Variants in CAST observed in about 807,000 individuals in gnomAD.
The protein encoded by CAST is calpastatin.
CAST carries 76 observed loss-of-function variants against 119.6 expected under a neutral mutation model. That is an observed-to-expected ratio of 0.64 (90% CI 0.53 to 0.77). The LOEUF (loss-of-function observed/expected upper bound fraction) is 0.77. CAST is among the 30% of genes least tolerant of loss of function. CAST has a pLI of 0.00. For synonymous variants in CAST, 319 were observed against 331.6 expected (o/e 0.96, Z 0.41); for missense variants, 953 against 946.5 (o/e 1.01, Z -0.09).
chr5:96,475,564 G>A, the CAST span, among the ~76,000 whole-genome samples: 6 of 152,306 alleles, frequency 3.9e-5, no homozygotes, highest in South Asian at 2.1e-4. Context: ...CAGATGGGCC[G>A]AGTACCCTGG....
the CAST span, among the ~76,000 whole-genome samples, chr5:96,105,218 A>G: frequency 6.6e-6 from 1 of 151,756 alleles, no homozygotes; most frequent in African/African-American, 2.4e-5. Flanking sequence ...CTAATTGAAT[A>G]CCCTTTATTT....
the CAST span, among the ~76,000 whole-genome samples, chr5:96,283,145 A>G: frequency 6.8e-6 from 1 of 147,796 alleles, no homozygotes. Context: ...AAAAAAAAAA[A>G]GAAAAAAATT....
the CAST span, among the ~76,000 whole-genome samples, chr5:96,117,994 G>A: frequency 9.2e-5 from 14 of 152,264 alleles, no homozygotes; most frequent in African/African-American, 3.1e-4. Flanking sequence ...ATTATTGGTG[G>A]CAATGGATGA....
intron 1 of CAST, among the ~76,000 whole-genome samples, chr5:96,606,819 A>C (rs901505972): frequency 1.3e-5 from 2 of 152,204 alleles, no homozygotes; most frequent in Admixed American, 6.5e-5. Flanking sequence ...AGTGGTTCTT[A>C]GGGTGTAGTC....
chr5:96,712,025 T>C (rs1193841837), intron 3 of CAST, among the ~76,000 whole-genome samples: 1 of 152,210 alleles, frequency 6.6e-6, no homozygotes, highest in East Asian at 1.9e-4. Flanking sequence ...CTATAGGAAA[T>C]AGGACACCCT....
the CAST span, chr5:96,215,135 A>T: frequency 6.6e-6 from 1 of 152,208 alleles, no homozygotes; most frequent in East Asian, 1.9e-4. Context: ...GAATATTCCC[A>T]GAAGTGACTG....
At chr5:96,278,828 G>T in the CAST span, 4 of 152,110 alleles carry the variant, frequency 2.6e-5, no homozygotes, top group African/African-American at 9.7e-5. Flanking sequence ...CCACACACAT[G>T]CAGTTACATG....
At chr5:96,226,203 C>A in the CAST span, among the ~76,000 whole-genome samples, 8 of 152,296 alleles carry the variant, frequency 5.3e-5, no homozygotes, top group South Asian at 1.2e-3. Flanking sequence ...GGTTTCTTAG[C>A]CCCATATAGA....
chr5:96,709,545 G>C (rs1191882914), intron 3 of CAST, among the ~76,000 whole-genome samples: 2 of 152,090 alleles, frequency 1.3e-5, no homozygotes, highest in African/African-American at 2.4e-5. Flanking sequence ...TCTTTTATTA[G>C]AACACAGACT....
At chr5:96,200,080 C>T in the CAST span, among the ~76,000 whole-genome samples, 7 of 152,226 alleles carry the variant, frequency 4.6e-5, no homozygotes, top group Admixed American at 3.3e-4. Flanking sequence ...CTGGGGGCAT[C>T]GGCGCTGAAC....
chr5:96,552,486 C>T (rs967325031), intron 1 of CAST, among the ~76,000 whole-genome samples: 1 of 152,038 alleles, frequency 6.6e-6, no homozygotes, highest in African/African-American at 2.4e-5. Context: ...AAAATTGATA[C>T]CCTAACATCA....
Position 96,588,196 on chromosome 5 carries a change from C to CTTTTTTTTTTTTTTTTTTTT in CAST, c.60+58321_60+58340dup, listed in dbSNP as rs140665192. On this transcript the variant is annotated intron_variant, in intron 1 of 11. Transcript: ENST00000505143. ...TATTATTTTCTTTCTTTCTTTCTTT[C>CTTTTTTTTTTTTTTTTTTTT]TTTTTTTTTTTTTTTTTTTTTTTTG... 2.3e-3 allele frequency among the ~76,000 whole-genome samples: 174 copies of CTTTTTTTTTTTTTTTTTTTT among 75,850 alleles called. 2 individuals carry two copies. The highest frequency in any genetic ancestry group is 4.6e-3 in the East Asian group (10 of 2,162). The allele number at this position is 75,850 out of a possible 152,430, so 49.8% of individuals were successfully genotyped here.
chr5:96,458,521 T>C, the CAST span, among the ~76,000 whole-genome samples: 38 of 152,290 alleles, frequency 2.5e-4, no homozygotes, highest in African/African-American at 8.7e-4. Context: ...TTGCCATCTG[T>C]CATCACCCAC....
chr5:96,443,005 G>A, the CAST span, among the ~76,000 whole-genome samples: 11,363 of 151,694 alleles, frequency 0.075, 509 homozygotes, highest in African/African-American at 0.13. Flanking sequence ...GACTACTGGA[G>A]GTTATTTTCC....
the CAST span, among the ~76,000 whole-genome samples, chr5:96,348,062 A>G: frequency 1.3e-5 from 2 of 152,206 alleles, no homozygotes; most frequent in African/African-American, 4.8e-5. Context: ...ATTTCATTGA[A>G]TTGGCAGATG....
intron 10 of CAST, among the ~76,000 whole-genome samples, chr5:96,736,868 T>G (rs1761758390): frequency 6.6e-6 from 1 of 152,204 alleles, no homozygotes; most frequent in Admixed American, 6.5e-5. Context: ...AGAACTTCCC[T>G]GAGACTGGGT....
the CAST span, among the ~76,000 whole-genome samples, chr5:96,431,772 C>A: frequency 7.2e-5 from 11 of 152,150 alleles, no homozygotes; most frequent in African/African-American, 2.7e-4. Context: ...ATTACTCATC[C>A]GTGACTCCAG....
intron 1 of CAST, among the ~76,000 whole-genome samples, chr5:96,582,601 C>T (rs1746789314): frequency 1.3e-5 from 2 of 152,192 alleles, no homozygotes; most frequent in African/African-American, 4.8e-5. Flanking sequence ...AGAATGGCAT[C>T]TCATTATGTA....
the CAST span, among the ~76,000 whole-genome samples, chr5:96,030,488 C>G: frequency 6.6e-6 from 1 of 152,122 alleles, no homozygotes. Flanking sequence ...TGGTCAACCT[C>G]ATTTAGGTTA....
Sources: gnomAD v4.1 joint callset for allele counts (sites outside exome capture counted in the v4.1 genomes callset) on GRCh38, gnomAD v4.1.1 for gene constraint, MANE v1.5 for transcripts, NCBI Gene and HGNC (gene_info 2026-07-23, HGNC 2026-07-21) for gene names.